Variants in PDE8B observed in about 807,000 individuals in gnomAD.
PDE8B encodes phosphodiesterase 8B.
PDE8B carries 26 observed loss-of-function variants against 101.3 expected under a neutral mutation model. That is an observed-to-expected ratio of 0.26 (90% confidence interval 0.19 to 0.36). The LOEUF is 0.36. Ranked by LOEUF, PDE8B falls within the 10% of genes least tolerant of loss-of-function variation. The pLI is 1.00. For missense variants in PDE8B, 810 were observed against 1,163.1 expected (o/e 0.70, Z 4.42); for synonymous variants, 424 against 429.3 (o/e 0.99, Z 0.15).
chr5:77,367,154 AAC>A (rs71736838), intron 10 of PDE8B, among the ~76,000 whole-genome samples: 16,852 of 144,406 alleles, frequency 0.12, 1,673 homozygotes, highest in African/African-American at 0.29. Flanking sequence ...GTTTTCTCAA[AAC>A]ACACACACAC....
At chr5:77,333,004 T>C (rs1777449969) in intron 5 of PDE8B, among the ~76,000 whole-genome samples, 1 of 148,548 alleles carries the variant, frequency 6.7e-6, no homozygotes, top group Non-Finnish European at 1.5e-5. Flanking sequence ...ATATTCCTGT[T>C]AGTTGTAGAC....
chr5:77,147,162 A>T, the PDE8B span: 4 of 354,304 alleles, frequency 1.1e-5, no homozygotes, highest in Admixed American at 3.5e-5. Flanking sequence ...GATGATAATG[A>T]GTAAGTTGGT....
At position 77,323,686 on chromosome 5, in the gene PDE8B, A is replaced by C. The variant is rs567093313; in HGVS notation, c.400-1853A>C. ...TAATAAAAGTATTTTTCAGCTGGGC[A>C]TGTGGCTCATGCTTGTGATCCCAGC... is the stretch of plus-strand genomic sequence containing the variant. On this transcript the variant is annotated intron_variant, in intron 2 of 21. Transcript: ENST00000264917. Among the ~76,000 whole-genome samples, 12 of 152,260 alleles carry C rather than the reference A, an allele frequency of 7.9e-5. No individual in the cohort carries two copies. In the South Asian group the frequency reaches 2.5e-3, roughly 32 times the overall value.
chr5:77,286,298 C>T (rs771388475), intron 1 of PDE8B, among the ~76,000 whole-genome samples: 8 of 152,136 alleles, frequency 5.3e-5, no homozygotes, highest in Admixed American at 2.0e-4. Context: ...TGAACAGTTC[C>T]AGGATCAGCC....
the PDE8B span, among the ~76,000 whole-genome samples, chr5:77,187,694 C>A: frequency 6.6e-6 from 1 of 152,332 alleles, no homozygotes; most frequent in East Asian, 1.9e-4. Flanking sequence ...CTTTCTCCTA[C>A]CCATACCAAG....
At chr5:77,388,538 A>T (rs1030664179) in intron 10 of PDE8B, among the ~76,000 whole-genome samples, 1 of 152,146 alleles carries the variant, frequency 6.6e-6, no homozygotes, top group Non-Finnish European at 1.5e-5. Flanking sequence ...CCCAGTCAGG[A>T]TACATGGGGG....
chr5:77,187,411 G>A, the PDE8B span, among the ~76,000 whole-genome samples: 1 of 152,154 alleles, frequency 6.6e-6, no homozygotes, highest in Admixed American at 6.5e-5. Flanking sequence ...GATGTGCAAA[G>A]GGGTTACCTC....
chr5:77,342,158 A>G (rs1779314538), intron 6 of PDE8B, among the ~76,000 whole-genome samples: 1 of 152,146 alleles, frequency 6.6e-6, no homozygotes, highest in South Asian at 2.1e-4. Context: ...TTTTTCACCA[A>G]AGCCTTTTGA....
intron 1 of PDE8B, among the ~76,000 whole-genome samples, chr5:77,259,110 T>C (rs251430): frequency 0.72 from 68,513 of 95,004 alleles, 26,290 homozygotes; most frequent in East Asian, 0.97. Context: ...TGTTTCTGCC[T>C]CTTGACAGGG....
chr5:77,421,155 G>A (rs1053642014), intron 19 of PDE8B, among the ~76,000 whole-genome samples: 4 of 152,086 alleles, frequency 2.6e-5, no homozygotes, highest in Non-Finnish European at 4.4e-5. Flanking sequence ...TTCTAAACAT[G>A]GCTGAACACA....
chr5:77,284,308 C>A (rs1157235455), intron 1 of PDE8B, among the ~76,000 whole-genome samples: 2 of 152,124 alleles, frequency 1.3e-5, no homozygotes, highest in Non-Finnish European at 2.9e-5. Flanking sequence ...TTTTGCAGAG[C>A]AGAAATTTTT....
intron 1 of PDE8B, among the ~76,000 whole-genome samples, chr5:77,257,347 A>C (rs1191471353): frequency 6.6e-6 from 1 of 152,214 alleles, no homozygotes; most frequent in East Asian, 1.9e-4. Flanking sequence ...TTTAATATAA[A>C]GACACAGAAA....
Position 77,210,765 on chromosome 5 carries a change from G to T in PDE8B, c.-161G>T, listed in dbSNP as rs866972257. ...GCGCGCGGTCCCCGGAGGCTCGGCG[G>T]GGGGCACCGCGGCCAGCCCGACGGA... On this transcript the variant is annotated 5_prime_UTR_variant, in exon 1 of 22. Coordinates refer to ENST00000264917, the MANE Select transcript of PDE8B (RefSeq NM_003719.5). The surrounding 1 kb of genome is among the most constrained non-coding windows in gnomAD (Gnocchi z 4.9). 1.0e-6 allele frequency: 1 copy of T among 982,582 alleles called. No homozygotes were observed. The highest frequency in any genetic ancestry group is 1.2e-6 in the Non-Finnish European group (1 of 829,384). The allele number at this position is 982,582 out of a possible 1,614,324, so 60.9% of individuals were successfully genotyped here.
At chr5:77,130,186 A>C in the PDE8B span, among the ~76,000 whole-genome samples, 1 of 152,140 alleles carries the variant, frequency 6.6e-6, no homozygotes, top group African/African-American at 2.4e-5. Context: ...TCTGAGCAAT[A>C]TCTGATGAAC....
the PDE8B span, among the ~76,000 whole-genome samples, chr5:77,153,994 T>TAAGA: frequency 6.6e-6 from 1 of 152,254 alleles, no homozygotes; most frequent in Non-Finnish European, 1.5e-5. Context: ...CCCATCTGTA[T>TAAGA]AAGAACCACA....
At chr5:77,309,229 G>A (rs1771974415) in intron 1 of PDE8B, among the ~76,000 whole-genome samples, 1 of 134,440 alleles carries the variant, frequency 7.4e-6, no homozygotes, top group Non-Finnish European at 1.6e-5. Flanking sequence ...AGGGAGGGAG[G>A]GGAGGGAGGG....
chr5:77,108,079 T>C, the PDE8B span, among the ~76,000 whole-genome samples: 2 of 152,094 alleles, frequency 1.3e-5, no homozygotes, highest in African/African-American at 2.4e-5. Flanking sequence ...CACTGCAGAG[T>C]CCAAAGAAAC....
At chr5:77,249,757 G>A (rs1487398708) in intron 1 of PDE8B, among the ~76,000 whole-genome samples, 1 of 152,210 alleles carries the variant, frequency 6.6e-6, no homozygotes, top group Non-Finnish European at 1.5e-5. Context: ...TTTACCTGAA[G>A]CATGCCACTT....
At chr5:77,396,676 A>T (rs1002392355) in intron 10 of PDE8B, among the ~76,000 whole-genome samples, 4 of 152,096 alleles carry the variant, frequency 2.6e-5, no homozygotes, top group Non-Finnish European at 4.4e-5. Context: ...CATTCATTTT[A>T]AAACAACCTT....
Sources: allele counts gnomAD v4.1 joint callset (sites outside exome capture counted in the v4.1 genomes callset), GRCh38; gene constraint gnomAD v4.1.1; non-coding constraint Gnocchi (gnomAD v3.1); transcripts MANE v1.5; gene names NCBI Gene and HGNC (gene_info 2026-07-23, HGNC 2026-07-21).